The following ZYG11B variants were observed in gnomAD, a reference collection of about 807,000 sequenced individuals.
The protein encoded by ZYG11B is protein zyg-11 homolog B.
In ZYG11B, 36 loss-of-function variants were observed where a neutral mutation model predicts 82.4. The observed-to-expected ratio is 0.44, with a 90% CI of 0.33 to 0.58. The LOEUF (loss-of-function observed/expected upper bound fraction) is 0.58. Among genes scored for constraint, ZYG11B ranks in the 20% least tolerant of loss-of-function variants. The pLI, the probability that ZYG11B is intolerant of heterozygous loss-of-function variation, is 0.02. For missense variants in ZYG11B, 552 were observed against 895.6 expected, an observed-to-expected ratio of 0.62 and a Z score of 4.90; for synonymous variants, 303 against 312.8, an observed-to-expected ratio of 0.97 and a Z score of 0.33.
At chr1:52,729,427 CAG>C (rs1243969687) in intron 1 of ZYG11B, among the ~76,000 whole-genome samples, 1 of 152,108 alleles carries the variant, frequency 6.6e-6, no homozygotes, top group Non-Finnish European at 1.5e-5. Flanking sequence ...CACAGAGTAA[CAG>C]TGTATGTATG....
At chr1:52,764,678 A>G (rs948396617) in intron 2 of ZYG11B, among the ~76,000 whole-genome samples, 1 of 152,166 alleles carries the variant, frequency 6.6e-6, no homozygotes, top group African/African-American at 2.4e-5. Flanking sequence ...GGGAGACACA[A>G]TTAGGAAGTA....
intron 5 of ZYG11B, 75 bp from the exon 6 acceptor site, chr1:52,789,928 T>A (rs960200098): frequency 1.1e-5 from 11 of 1,023,512 alleles, no homozygotes; most frequent in African/African-American, 3.3e-5. Flanking sequence ...TTTTTTTTTT[T>A]ATGGAAGCTA....
rs538295106 is a variant in ZYG11B at position 52,742,766 on chromosome 1, C to T, written c.31-13692C>T. On this transcript the variant is annotated intron_variant, in intron 1 of 13. Transcript: ENST00000294353. ...CTGAGGCAGGAGAATGGCCTGAAGCCGGGAGGCGGAGCTTGCAGTGAGCCG... is the reference window on the plus strand; with the variant it reads ...CTGAGGCAGGAGAATGGCCTGAAGCTGGGAGGCGGAGCTTGCAGTGAGCCG... 1.6e-3 allele frequency among the ~76,000 whole-genome samples: 245 copies of T among 150,190 alleles called. 1 individual carries two copies. Among genetic ancestry groups the T allele is most frequent in the Middle Eastern group, 3.5e-3 (1 of 286 alleles).
chr1:52,732,444 T>G (rs1413316895), intron 1 of ZYG11B, among the ~76,000 whole-genome samples: 2 of 150,246 alleles, frequency 1.3e-5, no homozygotes, highest in African/African-American at 5.0e-5. Flanking sequence ...GACATATAAT[T>G]TATTAGCTGA....
intron 6 of ZYG11B, among the ~76,000 whole-genome samples, chr1:52,790,666 C>G (rs1301611149): frequency 7.7e-6 from 1 of 129,394 alleles, no homozygotes; most frequent in African/African-American, 3.0e-5. Flanking sequence ...TGCAGTGAGC[C>G]AAGATCGCGC....
chr1:52,745,547 A>T (rs1037592645), intron 1 of ZYG11B, among the ~76,000 whole-genome samples: 2 of 152,188 alleles, frequency 1.3e-5, no homozygotes, highest in African/African-American at 4.8e-5. Flanking sequence ...TGTATAAGGC[A>T]TGGCTCTAAC....
intron 5 of ZYG11B, among the ~76,000 whole-genome samples, chr1:52,789,431 T>G (rs1388641919): frequency 6.6e-6 from 1 of 152,192 alleles, no homozygotes; most frequent in African/African-American, 2.4e-5. Context: ...CTTATTTTGC[T>G]TCACAGGAAT....
chr1:52,774,077 T>C (rs1644782663), intron 3 of ZYG11B, among the ~76,000 whole-genome samples: 2 of 152,164 alleles, frequency 1.3e-5, no homozygotes, highest in South Asian at 2.1e-4. Flanking sequence ...CATCAGTATT[T>C]TTTAAAGCTT....
rs1387396337 is a variant in ZYG11B, at chr1:52,826,384, C to T, written c.*4755C>T. On this transcript the variant is annotated 3_prime_UTR_variant, in exon 14 of 14. Coordinates refer to ENST00000294353, the MANE Select transcript of ZYG11B (RefSeq NM_024646.3). ...CAGTTTTTAATTTGCAGTATTCACT[C>T]ACGAACTGTTTTATTTTAGGAATAA... 6.6e-6 allele frequency: 1 copy of T among 152,194 alleles called. No individual in the cohort carries two copies. Among genetic ancestry groups the T allele is most frequent in the Non-Finnish European group, 1.5e-5 (1 of 68,038 alleles). 9.4% of individuals were successfully genotyped at this position (152,194 alleles called of 1,614,324 possible).
chr1:52,756,673 T>G (rs375953734), intron 2 of ZYG11B, 50 bp downstream of exon 2: 16 of 1,566,040 alleles, frequency 1.0e-5, no homozygotes, highest in African/African-American at 1.4e-5. Flanking sequence ...TAATTAGATT[T>G]GATTTTGAAG....
intron 3 of ZYG11B, among the ~76,000 whole-genome samples, chr1:52,779,234 GGGATTAAGA>G (rs1444500644): frequency 6.6e-6 from 1 of 151,936 alleles, no homozygotes; most frequent in East Asian, 1.9e-4. Flanking sequence ...CTAGAGGGAG[GGGATTAAGA>G]GGCAGATAGG....
chr1:52,776,533 C>CAAAAA (rs139862670), intron 3 of ZYG11B, among the ~76,000 whole-genome samples: 6 of 92,128 alleles, frequency 6.5e-5, no homozygotes, highest in African/African-American at 1.8e-4. Context: ...GACTGTGTCT[C>CAAAAA]AAAAAAAAAA....
intron 10 of ZYG11B, 101 bp from the exon 11 acceptor site, chr1:52,813,435 C>A: frequency 2.3e-6 from 2 of 877,386 alleles, no homozygotes; most frequent in Non-Finnish European, 3.4e-6. Flanking sequence ...ACTTTTCTTT[C>A]ACCTTCCTGA....
intron 1 of ZYG11B, among the ~76,000 whole-genome samples, chr1:52,735,699 G>C (rs1204661150): frequency 1.3e-5 from 2 of 151,996 alleles, no homozygotes; most frequent in Admixed American, 6.6e-5. Context: ...GCCATGCCCG[G>C]CTAATTTTTG....
In ZYG11B at chr1:52,803,129, TATATACACAC is replaced by T. The variant is rs1472681919; in HGVS notation, c.1695+996_1695+1005del. ...ATATATATATATATACACACATATA[TATATACACAC>T]ATATATATATATATACACATATATA... is the stretch of plus-strand genomic sequence containing the variant. On this transcript the variant is annotated intron_variant, in intron 10 of 13. Coordinates refer to ENST00000294353, the MANE Select transcript of ZYG11B (RefSeq NM_024646.3). 3.5e-3 allele frequency among the ~76,000 whole-genome samples: 271 copies of T among 76,880 alleles called. 13 individuals carry two copies. Among genetic ancestry groups the T allele is most frequent in the African/African-American group, 0.016 (189 of 11,804 alleles). The allele number at this position is 76,880 out of a possible 152,430, so 50.4% of individuals were successfully genotyped here. A position where few individuals can be genotyped will look rare whatever the true frequency, so the allele number is the denominator to read the frequency against.
chr1:52,817,471 A>G (rs1280862923), intron 13 of ZYG11B, among the ~76,000 whole-genome samples: 1 of 151,904 alleles, frequency 6.6e-6, no homozygotes, highest in East Asian at 1.9e-4. Context: ...AGCTCACTGC[A>G]ACCTTGACGT....
At chr1:52,802,890 C>T (rs1294641487) in intron 10 of ZYG11B, among the ~76,000 whole-genome samples, 2 of 150,910 alleles carry the variant, frequency 1.3e-5, no homozygotes, top group African/African-American at 2.4e-5. Context: ...TGCGGTGGCA[C>T]GCGCCTGTAG....
chr1:52,806,533 C>G (rs1297719139), intron 10 of ZYG11B, among the ~76,000 whole-genome samples: 3 of 152,070 alleles, frequency 2.0e-5, no homozygotes, highest in Non-Finnish European at 4.4e-5. Context: ...ATTATGTCCT[C>G]CTGTTTAATG....
At chr1:52,730,135 T>TG (rs1405314217) in intron 1 of ZYG11B, among the ~76,000 whole-genome samples, 1 of 152,134 alleles carries the variant, frequency 6.6e-6, no homozygotes, top group Non-Finnish European at 1.5e-5. Flanking sequence ...CACATAATGC[T>TG]GATGCTGCTG....
Sources: allele counts gnomAD v4.1 joint callset (sites outside exome capture counted in the v4.1 genomes callset), GRCh38; gene constraint gnomAD v4.1.1; transcripts MANE v1.5; gene names NCBI Gene and HGNC (gene_info 2026-07-23, HGNC 2026-07-21).